The following ERP29 variants were observed in gnomAD, a reference collection of about 807,000 sequenced individuals.
ERP29 encodes the protein endoplasmic reticulum resident protein 29.
Under a neutral mutation model 21.7 loss-of-function variants are expected in ERP29, and 14 were observed. The ratio of observed to expected loss-of-function variants is 0.64; its 90% CI spans 0.43 to 1.01. The LOEUF (loss-of-function observed/expected upper bound fraction) is 1.01, where lower values mean the gene tolerates loss of function less well. ERP29 is among the 50% of genes least tolerant of loss of function. The pLI, the probability that ERP29 is intolerant of heterozygous loss-of-function variation, is 0.00. For synonymous variants in ERP29, 129 were observed against 139.1 expected, an observed-to-expected ratio of 0.93 and a Z score of 0.51; for missense variants, 286 against 327.3, an observed-to-expected ratio of 0.87 and a Z score of 0.97.
At chr12:112,020,597 T>C (rs1028411530) in intron 2 of ERP29, among the ~76,000 whole-genome samples, 2 of 152,182 alleles carry the variant, frequency 1.3e-5, no homozygotes, top group Non-Finnish European at 2.9e-5. Flanking sequence ...CCCTCCCAGC[T>C]TGGATGCCTC....
rs115145009 is a variant in ERP29 at position 112,016,153 on chromosome 12, C to T, written c.144+2544C>T. On this transcript the variant is annotated intron_variant, in intron 1 of 2. Coordinates refer to ENST00000261735, the MANE Select transcript of ERP29 (RefSeq NM_006817.4). Reference sequence around the variant, plus strand: ...GCTCCTTGTCTATTTTGTTCCTGATCGTCTGCGCTGCATAACAGATTACCT... The same window carrying T: ...GCTCCTTGTCTATTTTGTTCCTGATTGTCTGCGCTGCATAACAGATTACCT... Among the ~76,000 whole-genome samples, 1,126 of 152,308 alleles carry T rather than the reference C, an allele frequency of 7.4e-3. 12 individuals carry two copies. Among genetic ancestry groups the T allele is most frequent in the African/African-American group, 0.026 (1,084 of 41,566 alleles).
intron 2 of ERP29, 109 bp from the exon 3 acceptor site, chr12:112,022,041 T>TG: frequency 8.9e-7 from 1 of 1,127,554 alleles, no homozygotes; most frequent in East Asian, 2.3e-5. Flanking sequence ...TTTGAACCAT[T>TG]ACACGGCCAA....
chr12:112,020,670 C>T (rs1346383477), intron 2 of ERP29, among the ~76,000 whole-genome samples: 3 of 152,110 alleles, frequency 2.0e-5, no homozygotes, highest in Non-Finnish European at 4.4e-5. Context: ...AGCTGGCACA[C>T]CTCTCCAGGA....
chr12:112,014,241 G>C (rs1471508167), intron 1 of ERP29, among the ~76,000 whole-genome samples: 2 of 152,254 alleles, frequency 1.3e-5, no homozygotes, highest in African/African-American at 2.4e-5. Context: ...GAGGTGAGCG[G>C]CAGGCGAGCT....
At chr12:112,019,074 CT>C (rs2078029546) in intron 1 of ERP29, 1 of 154,798 alleles carries the variant, frequency 6.5e-6, no homozygotes, top group South Asian at 2.0e-4. Flanking sequence ...ATAGTAACCT[CT>C]ATGGTTGCAC....
chr12:112,016,764 A>G (rs2078015143), intron 1 of ERP29, among the ~76,000 whole-genome samples: 1 of 151,988 alleles, frequency 6.6e-6, no homozygotes, highest in Non-Finnish European at 1.5e-5. Context: ...GGTGGCGGGC[A>G]CCTGTAGTCC....
intron 1 of ERP29, among the ~76,000 whole-genome samples, chr12:112,018,316 A>G: frequency 6.9e-6 from 1 of 145,278 alleles, no homozygotes; most frequent in Admixed American, 6.9e-5. Flanking sequence ...TGACTGGCTA[A>G]TTTTTTTTTT....
chr12:112,013,459 C>A lies in ERP29; in HGVS notation c.-7C>A. 6.2e-7 allele frequency: 1 copy of A among 1,608,392 alleles called. No individual in the cohort carries two copies. Among genetic ancestry groups the A allele is most frequent in the Non-Finnish European group, 8.5e-7 (1 of 1,177,246 alleles). ...TTACCTACCTCCCTCTGCAGGAACC[C>A]GGCGATATGGCTGCCGCTGTGCCCC... On this transcript the variant is annotated 5_prime_UTR_variant, in exon 1 of 3. Transcript: ENST00000261735.
At position 112,013,534 on chromosome 12, in the gene ERP29, CCT is replaced by C; in HGVS notation, c.73_74del (p.Ser25ArgfsTer43). The C allele has an allele frequency of 1.9e-6, 3 of 1,613,052 alleles. No homozygotes were observed. Among genetic ancestry groups the C allele is most frequent in the Non-Finnish European group, 2.5e-6 (3 of 1,179,594 alleles). ...TTCCCCTTCTCCTGGGCTTCCTGCTCCTCTCCGCTCCGCATGGCGGCAGCGGC... is the reference window on the plus strand; with the variant it reads ...TTCCCCTTCTCCTGGGCTTCCTGCTCCTCCGCTCCGCATGGCGGCAGCGGC... ...LLPLLLGFLLLSAPHGGSGLH... is the reference protein window; with the variant it reads ...LLPLLLGFLLXSAPHGGSGLH... On this transcript the variant is annotated frameshift_variant, in exon 1 of 3. Coordinates refer to ENST00000261735, the MANE Select transcript of ERP29 (RefSeq NM_006817.4). LOFTEE classifies it high-confidence loss of function.
In ERP29 at chr12:112,023,441, G is replaced by C. The variant is rs2078064438; in HGVS notation, c.*789G>C. 6.6e-6 allele frequency: 1 copy of C among 152,338 alleles called. No homozygotes were observed. The highest frequency in any genetic ancestry group is 1.5e-5 in the Non-Finnish European group (1 of 68,032). 9.4% of individuals were successfully genotyped at this position (152,338 alleles called of 1,614,324 possible). A position where few individuals can be genotyped will look rare whatever the true frequency, so the allele number is the denominator to read the frequency against. ...CTAGAAAGCAGAATAAAGAGCACTTGTGCCAACATTCACATCTTTTCTTCA... is the reference window on the plus strand; with the variant it reads ...CTAGAAAGCAGAATAAAGAGCACTTCTGCCAACATTCACATCTTTTCTTCA... On this transcript the variant is annotated 3_prime_UTR_variant, in exon 3 of 3. Coordinates refer to ENST00000261735, the MANE Select transcript of ERP29 (RefSeq NM_006817.4).
intron 1 of ERP29, among the ~76,000 whole-genome samples, chr12:112,014,232 A>G (rs1403310820): frequency 1.3e-5 from 2 of 152,230 alleles, no homozygotes; most frequent in South Asian, 2.1e-4. Context: ...GCACAGCAGG[A>G]GGTGAGCGGC....
chr12:112,015,488 C>CAA (rs755075555), intron 1 of ERP29, among the ~76,000 whole-genome samples: 1 of 133,720 alleles, frequency 7.5e-6, no homozygotes. Flanking sequence ...AACTCTGTCT[C>CAA]AAAAAAAAAA....
chr12:112,022,735 A>G lies in ERP29; in HGVS notation c.*83A>G, dbSNP rs576674699. 5 of 1,421,530 alleles carry G rather than the reference A, an allele frequency of 3.5e-6. No individual in the cohort carries two copies. In the East Asian group the frequency reaches 6.8e-5, roughly 19 times the overall value. 88.1% of individuals were successfully genotyped at this position (1,421,530 alleles called of 1,614,324 possible). A position where few individuals can be genotyped will look rare whatever the true frequency, so the allele number is the denominator to read the frequency against. On this transcript the variant is annotated 3_prime_UTR_variant, in exon 3 of 3. Transcript: ENST00000261735. ...GCTGGCTGTGAGTCCCTTGTGGAAT[A>G]TAAGGGGGTAGTGGGAAAAGTGGTA...
intron 1 of ERP29, chr12:112,015,087 G>A (rs953497039): frequency 6.6e-6 from 1 of 152,034 alleles, no homozygotes; most frequent in Non-Finnish European, 1.5e-5. Flanking sequence ...GGGAGGCTTA[G>A]ACAGGAGAAT....
At chr12:112,013,651 C>A (rs1452358763) in intron 1 of ERP29, 42 bp downstream of exon 1, 4 of 1,498,774 alleles carry the variant, frequency 2.7e-6, no homozygotes, top group African/African-American at 2.8e-5. Context: ...GCCGCCGGGG[C>A]GCCCGGAAGA....
rs745522549 is a variant in ERP29 at position 112,022,196 on chromosome 12, G to A, written c.330G>A (p.Leu110=). 3.1e-6 allele frequency: 5 copies of A among 1,614,042 alleles called. No homozygotes were observed. The African/African-American group carries it at 4.0e-5, about 13-fold the overall frequency. The change falls in exon 3 of 3, where the codon CTG becomes CTA. Residue 110 remains leucine, a synonymous_variant. Coordinates refer to ENST00000261735, the MANE Select transcript of ERP29 (RefSeq NM_006817.4). The stretch of plus-strand genomic sequence containing the variant: ...TGGAGCTGAGTGAGAAATACAAGCT[G>A]GACAAAGAGAGCTACCCAGTCTTCT... The part of the protein sequence containing the change: ...LNMELSEKYK[L]DKESYPVFYL...
chr12:112,017,941 C>T (rs961268804), intron 1 of ERP29, among the ~76,000 whole-genome samples: 11 of 151,748 alleles, frequency 7.2e-5, no homozygotes, highest in African/African-American at 2.2e-4. Flanking sequence ...CCCACCACAA[C>T]GCCCAGCTAA....
intron 1 of ERP29, chr12:112,019,195 C>T (rs1031863359): frequency 1.8e-4 from 29 of 162,968 alleles, no homozygotes; most frequent in Non-Finnish European, 3.8e-4. Context: ...AGTTTAAAAC[C>T]CAGAGATCTA....
At chr12:112,014,783 A>G (rs2077992155) in intron 1 of ERP29, 1 of 152,276 alleles carries the variant, frequency 6.6e-6, no homozygotes, top group African/African-American at 2.4e-5. Flanking sequence ...ATTGTGGGGA[A>G]GTGAAACCAA....
Sources: allele counts gnomAD v4.1 joint callset (sites outside exome capture counted in the v4.1 genomes callset), GRCh38; gene constraint gnomAD v4.1.1; transcripts MANE v1.5; gene names NCBI Gene and HGNC (gene_info 2026-07-23, HGNC 2026-07-21).